KCTD10: variants seen among roughly 807,000 people sequenced by gnomAD.
The protein encoded by KCTD10 is BTB/POZ domain-containing adapter for CUL3-mediated RhoA degradation protein 3.
KCTD10 carries 13 observed loss-of-function variants against 34.6 expected under a neutral mutation model. The ratio of observed to expected loss-of-function variants is 0.38; its 90% CI spans 0.24 to 0.60. The LOEUF is 0.60. KCTD10 is among the 20% of genes least tolerant of loss of function. The pLI, the probability that KCTD10 is intolerant of heterozygous loss-of-function variation, is 0.66. For synonymous variants in KCTD10, 156 were observed against 168.8 expected (o/e 0.92, Z 0.59); for missense variants, 256 against 420.3 (o/e 0.61, Z 3.42).
intron 6 of KCTD10, among the ~76,000 whole-genome samples, chr12:109,452,764 C>T (rs1211346857): frequency 6.6e-6 from 1 of 152,060 alleles, no homozygotes; most frequent in African/African-American, 2.4e-5. Flanking sequence ...GACAGAAGAC[C>T]TCCAGAAGGT....
intron 1 of KCTD10, among the ~76,000 whole-genome samples, chr12:109,476,453 C>A (rs1253197885): frequency 6.6e-6 from 1 of 152,252 alleles, no homozygotes. Context: ...GGACAATGAG[C>A]TACTCAGGGA....
In KCTD10 at chr12:109,457,641, G is replaced by A. The variant is rs763652009; in HGVS notation, c.516C>T (p.Tyr172=). 6.2e-7 allele frequency: 1 copy of A among 1,614,182 alleles called. No homozygotes were observed. The highest frequency in any genetic ancestry group is 8.5e-7 in the Non-Finnish European group (1 of 1,180,014). Residue 172 remains tyrosine, a synonymous_variant, in exon 5 of 7, where the codon TAC becomes TAT. Transcript: ENST00000228495. ...GGCTGACGCCTTACCTGGTATATGA[G>A]TATTTGTTGTTACTTCTGTTGTAGA... ...KLLYNRSNNK[Y]SYTSNSDDNM...
chr12:109,463,950 C>T (rs1237746550), intron 2 of KCTD10, among the ~76,000 whole-genome samples: 1 of 152,146 alleles, frequency 6.6e-6, no homozygotes. Context: ...AAGTTCCAGC[C>T]CCCAGGATGG....
chr12:109,469,604 T>C lies in KCTD10; in HGVS notation c.128A>G (p.Tyr43Cys), dbSNP rs762206598. 24 of 1,614,172 alleles carry C rather than the reference T, an allele frequency of 1.5e-5. No individual in the cohort carries two copies. Among genetic ancestry groups the C allele is most frequent in the Non-Finnish European group, 1.9e-5 (22 of 1,180,032 alleles). The change falls in exon 2 of 7, where the codon TAC (tyrosine) becomes TGC (cysteine). Residue 43 changes from tyrosine (Y) to cysteine (C), a missense_variant. By Grantham distance (194) the Tyr-to-Cys change is radical (BLOSUM62 -2). Coordinates refer to ENST00000228495, the MANE Select transcript of KCTD10 (RefSeq NM_031954.5). ...GGTCAGCGTCTGCATGGTGGTATAGTAGAGGGCTCCACCCACATTCAGCTT... is the reference window on the plus strand; with the variant it reads ...GGTCAGCGTCTGCATGGTGGTATAGCAGAGGGCTCCACCCACATTCAGCTT... ...YVKLNVGGAL[Y>C]YTTMQTLTKQ...
At chr12:109,474,566 C>A (rs1874055879) in intron 1 of KCTD10, among the ~76,000 whole-genome samples, 1 of 152,124 alleles carries the variant, frequency 6.6e-6, no homozygotes, top group Non-Finnish European at 1.5e-5. Context: ...AAAACTCCCT[C>A]AGGAGATTTT....
chr12:109,462,016 G>A (rs536869204), intron 2 of KCTD10, among the ~76,000 whole-genome samples: 5 of 151,522 alleles, frequency 3.3e-5, no homozygotes, highest in South Asian at 2.1e-4. Context: ...CCTGTTCCAC[G>A]TCCTCCTCAG....
At chr12:109,472,594 C>T (rs1337997583) in intron 1 of KCTD10, among the ~76,000 whole-genome samples, 1 of 151,952 alleles carries the variant, frequency 6.6e-6, no homozygotes, top group Non-Finnish European at 1.5e-5. Flanking sequence ...CTATCAAGTT[C>T]ATTACTATTA....
chr12:109,469,023 T>C (rs907693957), intron 2 of KCTD10: 2 of 153,826 alleles, frequency 1.3e-5, no homozygotes, highest in South Asian at 2.0e-4. Flanking sequence ...TGTATATCTA[T>C]CTATCTATCT....
chr12:109,462,818 C>T (rs1322956028), intron 2 of KCTD10, among the ~76,000 whole-genome samples: 3 of 152,196 alleles, frequency 2.0e-5, no homozygotes, highest in East Asian at 3.9e-4. Flanking sequence ...CAAAACAAAA[C>T]TGTCATCAAC....
chr12:109,460,650 G>A lies in KCTD10; in HGVS notation c.373C>T (p.Gln125Ter). 1 of 1,613,970 alleles carries A rather than the reference G, an allele frequency of 6.2e-7. No homozygotes were observed. Among genetic ancestry groups the A allele is most frequent in the Non-Finnish European group, 8.5e-7 (1 of 1,179,912 alleles). ...GTGATGCCTACTTGTAGGGCCGCCT[G>A]GCACTCTTCCACCAGGCCTTGGACT... ...YLVQGLVEEC[Q>*]AALQNKDTYE... The change falls in exon 3 of 7, where the codon CAG (glutamine) becomes TAG (stop). Residue 125 changes from glutamine (Q) to a stop codon, truncating the protein, a stop_gained. Transcript: ENST00000228495. LOFTEE classifies it high-confidence loss of function. The surrounding 1 kb of genome is among the most constrained non-coding windows in gnomAD (Gnocchi z 4.5).
Position 109,448,697 on chromosome 12 carries a change from C to A in KCTD10, c.*2898G>T, listed in dbSNP as rs1318395848. 6.6e-6 allele frequency: 1 copy of A among 152,228 alleles called. No individual in the cohort carries two copies. The highest frequency in any genetic ancestry group is 1.5e-5 in the Non-Finnish European group (1 of 68,042). The allele number at this position is 152,228 out of a possible 1,614,324, so 9.4% of individuals were successfully genotyped here. A position where few individuals can be genotyped will look rare whatever the true frequency, so the allele number is the denominator to read the frequency against. On this transcript the variant is annotated 3_prime_UTR_variant, in exon 7 of 7. Coordinates refer to ENST00000228495, the MANE Select transcript of KCTD10 (RefSeq NM_031954.5). ...ATTTTACATGTCGCCAACGTTTGTA[C>A]AACATACAGTGGCTACATCTAAAAC...
chr12:109,450,242 T>C lies in KCTD10; in HGVS notation c.*1353A>G, dbSNP rs949157385. 1 of 398,462 alleles carries C rather than the reference T, an allele frequency of 2.5e-6. No individual in the cohort carries two copies. Among genetic ancestry groups the C allele is most frequent in the Non-Finnish European group, 4.4e-6 (1 of 226,048 alleles). The allele number at this position is 398,462 out of a possible 1,614,324, so 24.7% of individuals were successfully genotyped here. ...TACCTAGTCTAGTCTCAACCACCCC[T>C]GTCAGTCACGACTCACTCCTGTTCC... On this transcript the variant is annotated 3_prime_UTR_variant, in exon 7 of 7. Coordinates refer to ENST00000228495, the MANE Select transcript of KCTD10 (RefSeq NM_031954.5).
chr12:109,457,983 C>T lies in KCTD10; in HGVS notation c.474+9G>A. 6.2e-7 allele frequency: 1 copy of T among 1,608,868 alleles called. No homozygotes were observed. The highest frequency in any genetic ancestry group is 1.1e-5 in the South Asian group (1 of 90,934). On this transcript the variant is annotated intron_variant, in intron 4 of 6. Coordinates refer to ENST00000228495, the MANE Select transcript of KCTD10 (RefSeq NM_031954.5). ...CAAAAGAAATTCCACAAGGGTGCCT[C>T]CAACATACCTTATTTGAAGTCGCTA... is the stretch of plus-strand genomic sequence containing the variant.
At chr12:109,462,940 GGCAGGGAAAGACC>G (rs1317712883) in intron 2 of KCTD10, among the ~76,000 whole-genome samples, 3 of 152,172 alleles carry the variant, frequency 2.0e-5, no homozygotes, top group Non-Finnish European at 4.4e-5. Flanking sequence ...AGGCTGACAA[GGCAGGGAAAGACC>G]GTATTATCTT....
At position 109,470,682 on chromosome 12, in the gene KCTD10, C is replaced by T. The variant is rs1245049440; in HGVS notation, c.4-954G>A. ...ACAGCACATCACCCTCAGACAAGGC[C>T]ACTCTGTGCCCTTGCGACAAGACAA... On this transcript the variant is annotated intron_variant, in intron 1 of 6. Coordinates refer to ENST00000228495, the MANE Select transcript of KCTD10 (RefSeq NM_031954.5). 2.1e-5 allele frequency: 16 copies of T among 777,128 alleles called. No individual in the cohort carries two copies. The Admixed American group carries it at 2.5e-4, about 12-fold the overall frequency. The allele number at this position is 777,128 out of a possible 1,614,324, so 48.1% of individuals were successfully genotyped here.
intron 5 of KCTD10, chr12:109,456,547 C>T (rs570341876): frequency 3.7e-6 from 2 of 542,136 alleles, no homozygotes; most frequent in Non-Finnish European, 6.7e-6. Context: ...GACACGCCCC[C>T]CAAAAGACAG....
Position 109,451,413 on chromosome 12 carries a change from G to T in KCTD10, c.*182C>A. ...GCTTGTTCAACGACAGGGGTCATACGCCTGGGTCAAGACAATCAATTTGCC... is the reference window on the plus strand; with the variant it reads ...GCTTGTTCAACGACAGGGGTCATACTCCTGGGTCAAGACAATCAATTTGCC... On this transcript the variant is annotated 3_prime_UTR_variant, in exon 7 of 7. Transcript: ENST00000228495. The surrounding 1 kb of genome is among the most constrained non-coding windows in gnomAD (Gnocchi z 5.0). 1 of 588,382 alleles carries T rather than the reference G, an allele frequency of 1.7e-6. No individual in the cohort carries two copies. The highest frequency in any genetic ancestry group is 2.9e-6 in the Non-Finnish European group (1 of 342,066). The allele number at this position is 588,382 out of a possible 1,614,324, so 36.4% of individuals were successfully genotyped here.
At chr12:109,457,731 T>G (rs771365554) in intron 4 of KCTD10, 49 bp from the exon 5 acceptor site, 18 of 1,570,266 alleles carry the variant, frequency 1.1e-5, no homozygotes, top group Non-Finnish European at 1.8e-6. Context: ...GGCAGGCAGA[T>G]GCAATGAACT....
chr12:109,464,393 C>G (rs181731599), intron 2 of KCTD10, among the ~76,000 whole-genome samples: 7 of 152,256 alleles, frequency 4.6e-5, no homozygotes, highest in Admixed American at 4.6e-4. Context: ...TCACTTGACG[C>G]CAGGAGCACC....
Sources: gnomAD v4.1 joint callset for allele counts (sites outside exome capture counted in the v4.1 genomes callset) on GRCh38, gnomAD v4.1.1 for gene constraint, Gnocchi (gnomAD v3.1) non-coding constraint, MANE v1.5 for transcripts, NCBI Gene and HGNC (gene_info 2026-07-23, HGNC 2026-07-21) for gene names.